The following ASTN2 variants were observed in gnomAD, a reference collection of about 807,000 sequenced individuals.
ASTN2 encodes astrotactin-2.
ASTN2 carries 54 observed loss-of-function variants against 139.8 expected under a neutral mutation model. The ratio of observed to expected loss-of-function variants is 0.39; its 90% CI spans 0.31 to 0.48. The LOEUF (loss-of-function observed/expected upper bound fraction) is 0.48. Ranked by LOEUF, ASTN2 falls within the 20% of genes least tolerant of loss-of-function variation. The pLI, the probability that ASTN2 is intolerant of heterozygous loss-of-function variation, is 0.95. For missense variants in ASTN2, 1,565 were observed against 1,725.1 expected, an observed-to-expected ratio of 0.91 and a Z score of 1.64; for synonymous variants, 756 against 719.5, an observed-to-expected ratio of 1.05 and a Z score of -0.81.
intron 5 of ASTN2, among the ~76,000 whole-genome samples, chr9:117,077,422 A>G (rs1828309902): frequency 6.6e-6 from 1 of 152,148 alleles, no homozygotes; most frequent in South Asian, 2.1e-4. Flanking sequence ...GCTATAAAGT[A>G]AGTAAGCTAT....
intron 1 of ASTN2, among the ~76,000 whole-genome samples, chr9:117,335,003 A>G (rs1257209660): frequency 6.6e-6 from 1 of 152,146 alleles, no homozygotes; most frequent in Non-Finnish European, 1.5e-5. Context: ...TGCAGTGAGC[A>G]TAGATCATGC....
intron 13 of ASTN2, among the ~76,000 whole-genome samples, chr9:116,791,485 G>C (rs1359911834): frequency 1.3e-5 from 2 of 152,206 alleles, no homozygotes. Flanking sequence ...ATTTATAAAA[G>C]AGATTGCTAA....
chr9:116,964,216 GGTGTGTGT>G (rs56209166), intron 10 of ASTN2, among the ~76,000 whole-genome samples: 27 of 140,810 alleles, frequency 1.9e-4, no homozygotes, highest in East Asian at 6.4e-4. Context: ...ACTGCCCTGG[GGTGTGTGT>G]GTGTGTGTGT....
At chr9:116,801,585 CAAAAAAAAAA>C (rs397893932) in intron 13 of ASTN2, among the ~76,000 whole-genome samples, 4 of 60,364 alleles carry the variant, frequency 6.6e-5, no homozygotes, top group African/African-American at 1.8e-4. Flanking sequence ...GGCTCTGTCT[CAAAAAAAAAA>C]AAAAAAAAAA....
At chr9:117,396,799 C>G (rs1830688472) in intron 1 of ASTN2, among the ~76,000 whole-genome samples, 1 of 152,022 alleles carries the variant, frequency 6.6e-6, no homozygotes, top group African/African-American at 2.4e-5. Flanking sequence ...CTCCTGACCT[C>G]AAGTGATCTG....
At chr9:117,382,859 T>C (rs570947541) in intron 1 of ASTN2, among the ~76,000 whole-genome samples, 3 of 152,280 alleles carry the variant, frequency 2.0e-5, no homozygotes, top group East Asian at 3.9e-4. Context: ...AATGGCCACG[T>C]GTGAACCATC....
At chr9:117,328,399 T>C (rs1284351280) in intron 1 of ASTN2, among the ~76,000 whole-genome samples, 1 of 152,192 alleles carries the variant, frequency 6.6e-6, no homozygotes, top group Non-Finnish European at 1.5e-5. Context: ...TTTGAGAAAC[T>C]TTGGGACTGT....
At chr9:116,982,560 T>TA (rs397825117) in intron 7 of ASTN2, among the ~76,000 whole-genome samples, 13 of 150,922 alleles carry the variant, frequency 8.6e-5, no homozygotes, top group Middle Eastern at 3.4e-3. Flanking sequence ...ATTTTTTTTT[T>TA]AAATTATCAT....
At chr9:117,399,327 C>G (rs1292543686) in intron 1 of ASTN2, among the ~76,000 whole-genome samples, 1 of 152,030 alleles carries the variant, frequency 6.6e-6, no homozygotes, top group Non-Finnish European at 1.5e-5. Flanking sequence ...AATATTCACG[C>G]TGGATCTTAA....
At chr9:117,252,964 T>C (rs1172616634) in intron 2 of ASTN2, among the ~76,000 whole-genome samples, 1 of 152,168 alleles carries the variant, frequency 6.6e-6, no homozygotes, top group African/African-American at 2.4e-5. Flanking sequence ...TATTACTAAT[T>C]AGGCAAGCTC....
intron 2 of ASTN2, among the ~76,000 whole-genome samples, chr9:117,250,479 C>T (rs528300470): frequency 3.3e-4 from 51 of 152,300 alleles, no homozygotes; most frequent in African/African-American, 1.2e-3. Context: ...TTCCAATTAT[C>T]TGTTAATTTA....
chr9:116,533,013 G>C (rs951857373), intron 19 of ASTN2, among the ~76,000 whole-genome samples: 8 of 152,160 alleles, frequency 5.3e-5, no homozygotes, highest in African/African-American at 1.9e-4. Flanking sequence ...TCTTCCATTT[G>C]TTTGTGTCCT....
chr9:116,543,636 A>T (rs1295754503), intron 19 of ASTN2: 1 of 152,170 alleles, frequency 6.6e-6, no homozygotes, highest in Non-Finnish European at 1.5e-5. Context: ...TAATCCCTTA[A>T]GATAATAGTC....
intron 13 of ASTN2, among the ~76,000 whole-genome samples, chr9:116,791,108 G>T (rs746963645): frequency 1.3e-5 from 2 of 152,114 alleles, no homozygotes; most frequent in Non-Finnish European, 2.9e-5. Context: ...ACCTGCCTAG[G>T]CCTCCCAAAG....
chr9:116,841,371 G>C (rs941481890), intron 11 of ASTN2, among the ~76,000 whole-genome samples: 1 of 149,556 alleles, frequency 6.7e-6, no homozygotes, highest in African/African-American at 2.5e-5. Context: ...ACCGTGGAAA[G>C]AGAGGGAGAG....
intron 10 of ASTN2, among the ~76,000 whole-genome samples, chr9:116,873,856 T>C (rs920727506): frequency 2.0e-5 from 3 of 152,184 alleles, no homozygotes; most frequent in African/African-American, 7.2e-5. Flanking sequence ...TCCAGCCATG[T>C]AGGACATGTC....
At chr9:117,175,594 C>T (rs1034823943) in intron 3 of ASTN2, among the ~76,000 whole-genome samples, 1 of 152,170 alleles carries the variant, frequency 6.6e-6, no homozygotes, top group African/African-American at 2.4e-5. Flanking sequence ...AGCTCAGAAA[C>T]TGACCTCCAG....
At chr9:116,936,123 T>TACCATCAGCACCACA (rs1835064157) in intron 10 of ASTN2, among the ~76,000 whole-genome samples, 1 of 1,522 alleles carries the variant, frequency 6.6e-4, no homozygotes. Context: ...CCACCACCAC[T>TACCATCAGCACCACA]ACCACCACCA....
chr9:116,803,186 T>C (rs866376233), intron 13 of ASTN2, among the ~76,000 whole-genome samples: 2 of 152,120 alleles, frequency 1.3e-5, no homozygotes, highest in Admixed American at 6.5e-5. Flanking sequence ...CTATCCATGA[T>C]GTTGCTCAAG....
Sources: gnomAD v4.1 joint callset for allele counts (sites outside exome capture counted in the v4.1 genomes callset) on GRCh38, gnomAD v4.1.1 for gene constraint, MANE v1.5 for transcripts, NCBI Gene and HGNC (gene_info 2026-07-23, HGNC 2026-07-21) for gene names.